Variants in RALGAPA2 observed in about 807,000 individuals in gnomAD.
RALGAPA2 encodes the protein ral GTPase-activating protein subunit alpha-2.
RALGAPA2 carries 139 observed loss-of-function variants against 230.4 expected under a neutral mutation model. The observed-to-expected ratio is 0.60, with a 90% confidence interval of 0.53 to 0.69. The LOEUF is 0.69. Ranked by LOEUF, RALGAPA2 falls within the 30% of genes least tolerant of loss-of-function variation. The pLI, the probability that RALGAPA2 is intolerant of heterozygous loss-of-function variation, is 0.00. For missense variants in RALGAPA2, 2,163 were observed against 2,276.0 expected (o/e 0.95, Z 1.01); for synonymous variants, 847 against 837.8 (o/e 1.01, Z -0.19).
In RALGAPA2 at chr20:20,635,565, A is replaced by G. The variant is rs368955532; in HGVS notation, c.858T>C (p.Asn286=). The G allele has an allele frequency of 1.3e-6, 2 of 1,583,986 alleles. No homozygotes were observed. Among genetic ancestry groups the G allele is most frequent in the African/African-American group, 1.4e-5 (1 of 72,714 alleles). The change falls in exon 9 of 40, where the codon AAT becomes AAC. Residue 286 remains asparagine (N), a synonymous_variant. Transcript: ENST00000202677. The part of the protein sequence containing the change: ...KPVYITTTRD[N]ENIYSTKIPY... ...GAATCTTTGTACTGTAAATGTTCTC[A>G]TTGTCTCGAGTGGTAGTAATGTACA...
chr20:20,648,662 C>T (rs773014283), intron 4 of RALGAPA2, among the ~76,000 whole-genome samples: 4 of 151,194 alleles, frequency 2.6e-5, no homozygotes, highest in East Asian at 1.9e-4. Context: ...CAGAGGATTG[C>T]GGTGGGGGTT....
intron 25 of RALGAPA2, 40 bp downstream of exon 25, chr20:20,536,616 A>G (rs1319086504): frequency 6.3e-7 from 1 of 1,595,798 alleles, no homozygotes; most frequent in Non-Finnish European, 8.6e-7. Flanking sequence ...AGAATTATAA[A>G]AAGTACTAAA....
chr20:20,655,347 C>A (rs1204715598), intron 3 of RALGAPA2, among the ~76,000 whole-genome samples: 1 of 151,474 alleles, frequency 6.6e-6, no homozygotes, highest in Non-Finnish European at 1.5e-5. Flanking sequence ...AAAAAAAAAC[C>A]TTGACAGACG....
chr20:20,528,847 C>G (rs915087622), intron 27 of RALGAPA2, among the ~76,000 whole-genome samples: 4 of 152,208 alleles, frequency 2.6e-5, no homozygotes, highest in African/African-American at 9.7e-5. Context: ...TCTCCGCTAC[C>G]CATGAAGCAG....
intron 4 of RALGAPA2, among the ~76,000 whole-genome samples, chr20:20,646,117 C>T (rs979420782): frequency 5.9e-5 from 9 of 151,582 alleles, no homozygotes; most frequent in African/African-American, 2.2e-4. Context: ...TGCAGTGGCG[C>T]GATCTCAGCT....
chr20:20,656,951 G>A (rs933112668), intron 3 of RALGAPA2, among the ~76,000 whole-genome samples: 22 of 152,176 alleles, frequency 1.4e-4, no homozygotes, highest in East Asian at 5.8e-4. Flanking sequence ...CACCAGATGC[G>A]AGAGATGAAG....
At chr20:20,401,376 T>C (rs982776717) in intron 38 of RALGAPA2, among the ~76,000 whole-genome samples, 1 of 152,034 alleles carries the variant, frequency 6.6e-6, no homozygotes, top group Non-Finnish European at 1.5e-5. Context: ...CACCAGCACC[T>C]CTCCTGCTGT....
At chr20:20,642,403 G>C (rs572716754) in intron 5 of RALGAPA2, among the ~76,000 whole-genome samples, 42 of 152,150 alleles carry the variant, frequency 2.8e-4, no homozygotes, top group African/African-American at 9.9e-4. Flanking sequence ...TAGAGACGGG[G>C]TTTCACCATG....
Position 20,512,510 on chromosome 20 carries a change from T to C in RALGAPA2, c.4856+3A>G. 1.9e-6 allele frequency: 3 copies of C among 1,585,986 alleles called. No homozygotes were observed. Among genetic ancestry groups the C allele is most frequent in the Non-Finnish European group, 1.7e-6 (2 of 1,168,858 alleles). ...TAACTGGAGGTCTAGCTTGGATTGT[T>C]ACCTTCTGTCCCAAGAATTCATTCC... On this transcript the variant is annotated splice_donor_region_variant and intron_variant, in intron 32 of 39. Coordinates refer to ENST00000202677, the MANE Select transcript of RALGAPA2 (RefSeq NM_020343.4).
At chr20:20,629,737 T>C (rs1035375781) in intron 9 of RALGAPA2, 147 bp from the exon 10 acceptor site, 2 of 721,586 alleles carry the variant, frequency 2.8e-6, no homozygotes, top group East Asian at 2.7e-5. Context: ...TGAAGCACGA[T>C]AGGCTCCAGA....
rs2068437427 is a variant in RALGAPA2, at chr20:20,679,133, G to A, written c.217+1558C>T. 2.0e-5 allele frequency among the ~76,000 whole-genome samples: 3 copies of A among 151,812 alleles called. No individual in the cohort carries two copies. In the South Asian group the frequency reaches 6.2e-4, roughly 32 times the overall value. ...CTCCCAAGCTCCAGTCACCTATATTGTACTGTCCAGCCAACACCTACACCA... is the reference window on the plus strand; with the variant it reads ...CTCCCAAGCTCCAGTCACCTATATTATACTGTCCAGCCAACACCTACACCA... On this transcript the variant is annotated intron_variant, in intron 2 of 39. Transcript: ENST00000202677.
In RALGAPA2 at chr20:20,389,673, A is replaced by C. The variant is rs1720602787; in HGVS notation, c.*3616T>G. ...AAATCATCACAGTAAATCAGAATTAAAGAGTAAAAGAGGTTAACTGGAGAG... is the reference window on the plus strand; with the variant it reads ...AAATCATCACAGTAAATCAGAATTACAGAGTAAAAGAGGTTAACTGGAGAG... On this transcript the variant is annotated 3_prime_UTR_variant, in exon 40 of 40. Transcript: ENST00000202677. 6.6e-6 allele frequency: 1 copy of C among 152,032 alleles called. No individual in the cohort carries two copies. Among genetic ancestry groups the C allele is most frequent in the South Asian group, 2.1e-4 (1 of 4,800 alleles). 9.4% of individuals were successfully genotyped at this position (152,032 alleles called of 1,614,324 possible).
intron 31 of RALGAPA2, among the ~76,000 whole-genome samples, chr20:20,515,704 C>T (rs1027629110): frequency 5.3e-5 from 8 of 152,224 alleles, no homozygotes; most frequent in Non-Finnish European, 7.3e-5. Context: ...GAAGCCATAC[C>T]TGAATATATC....
rs762896024 is a variant in RALGAPA2, at chr20:20,520,927, A to C, written c.4074T>G (p.Thr1358=). ...TGAAAGAATACTCACCCTCTTCAAC[A>C]GTCAGCAGGTTACCCAATTCTGCTG... is the stretch of plus-strand genomic sequence containing the variant. ...HSSAELGNLL[T]VEEEKKRRSL... is the part of the protein sequence containing the mutation. The change falls in exon 31 of 40, where the codon ACT becomes ACG. Residue 1358 remains threonine, a synonymous_variant. Transcript: ENST00000202677. 5 of 1,607,474 alleles carry C rather than the reference A, an allele frequency of 3.1e-6. No individual in the cohort carries two copies. The South Asian group carries it at 5.5e-5, about 18-fold the overall frequency.
chr20:20,545,070 T>C (rs1392476816), intron 24 of RALGAPA2, among the ~76,000 whole-genome samples: 2 of 152,250 alleles, frequency 1.3e-5, no homozygotes, highest in African/African-American at 2.4e-5. Flanking sequence ...TCTTGTATCT[T>C]GTAATTTTTT....
chr20:20,440,500 C>T (rs981585206), intron 37 of RALGAPA2, among the ~76,000 whole-genome samples: 1 of 152,148 alleles, frequency 6.6e-6, no homozygotes, highest in African/African-American at 2.4e-5. Flanking sequence ...CGTTCTTGGG[C>T]CAGTCTTATT....
At chr20:20,630,676 T>C (rs1006612854) in intron 9 of RALGAPA2, among the ~76,000 whole-genome samples, 2 of 152,204 alleles carry the variant, frequency 1.3e-5, no homozygotes, top group Non-Finnish European at 2.9e-5. Context: ...TATCTGAAGC[T>C]TCAGCAGGAA....
At position 20,712,128 on chromosome 20, in the gene RALGAPA2, G is replaced by A. The variant is rs2069902760; in HGVS notation, c.106+247C>T. On this transcript the variant is annotated intron_variant, in intron 1 of 39. Transcript: ENST00000202677. This position sits in a 1 kb window ranked among gnomAD's most constrained non-coding sequence, Gnocchi z 5.5. ...CCCGGCCTCCAGGTTCTCCGGGAGC[G>A]CAGGCGCCCAGCGAGAATCTGGGCT... 6.6e-6 allele frequency among the ~76,000 whole-genome samples: 1 copy of A among 152,134 alleles called. No individual in the cohort carries two copies.
Position 20,512,600 on chromosome 20 carries a change from C to G in RALGAPA2, c.4769G>C (p.Gly1590Ala). ...FDSAMKVTSQ[G>A]QPSPVEPRGP... ...TCGGGGCTCCACTGGGGAGGGCTGC[C>G]CTTGGCTGGTGACTTTCATTGCAGA... is the stretch of plus-strand genomic sequence containing the variant. Residue 1590 changes from glycine (G) to alanine (A), a missense_variant, in exon 32 of 40, where the codon GGG becomes GCG. Physicochemically the swap from Gly to Ala is moderately conservative, Grantham distance 60. Transcript: ENST00000202677. The G allele has an allele frequency of 6.2e-7, 1 of 1,613,906 alleles. No individual in the cohort carries two copies. The highest frequency in any genetic ancestry group is 8.5e-7 in the Non-Finnish European group (1 of 1,179,854).
Sources: allele counts gnomAD v4.1 joint callset (sites outside exome capture counted in the v4.1 genomes callset), GRCh38; gene constraint gnomAD v4.1.1; non-coding constraint Gnocchi (gnomAD v3.1); transcripts MANE v1.5; gene names NCBI Gene and HGNC (gene_info 2026-07-23, HGNC 2026-07-21).